Variants in FNBP1 observed in about 807,000 individuals in gnomAD.
The protein encoded by FNBP1 is formin binding protein 1.
Under a neutral mutation model 90.6 loss-of-function variants are expected in FNBP1, and 26 were observed. The observed-to-expected ratio is 0.29, with a 90% CI of 0.21 to 0.40. The LOEUF (loss-of-function observed/expected upper bound fraction) is 0.40. Among genes scored for constraint, FNBP1 ranks in the 10% least tolerant of loss-of-function variants. The probability of loss-of-function intolerance (pLI) is 1.00; values close to 1 mark genes in which losing one functional copy is unlikely to be tolerated. For synonymous variants in FNBP1, 260 were observed against 265.2 expected (o/e 0.98, Z 0.19); for missense variants, 635 against 768.0 (o/e 0.83, Z 2.05).
rs1327933299 is a variant in FNBP1, at chr9:129,890,692, A to G, written c.1847-146T>C. 3.0e-6 allele frequency: 2 copies of G among 676,468 alleles called. No individual in the cohort carries two copies. The highest frequency in any genetic ancestry group is 1.7e-5 in the South Asian group (1 of 58,450). 41.9% of individuals were successfully genotyped at this position (676,468 alleles called of 1,614,324 possible). A position where few individuals can be genotyped will look rare whatever the true frequency, so the allele number is the denominator to read the frequency against. ...GGGGAGGGATGGGAGGGGGCGTCTTAGAGCAATCGGTTACCACAGGGCGGG... is the reference window on the plus strand; with the variant it reads ...GGGGAGGGATGGGAGGGGGCGTCTTGGAGCAATCGGTTACCACAGGGCGGG... On this transcript the variant is annotated intron_variant, in intron 16 of 16. Transcript: ENST00000446176. The surrounding 1 kb of genome is among the most constrained non-coding windows in gnomAD (Gnocchi z 5.8).
At chr9:129,995,361 G>A (rs1274801522) in intron 1 of FNBP1, among the ~76,000 whole-genome samples, 5 of 152,104 alleles carry the variant, frequency 3.3e-5, no homozygotes, top group Admixed American at 6.6e-5. Flanking sequence ...AATCTGAGCC[G>A]AGGAACGGGG....
At chr9:129,907,135 A>C in intron 12 of FNBP1, among the ~76,000 whole-genome samples, 1 of 150,720 alleles carries the variant, frequency 6.6e-6, no homozygotes, top group Non-Finnish European at 1.5e-5. Context: ...GCCTTGTAAC[A>C]CCAGTTTCCT....
chr9:130,030,794 G>A (rs1221087884), intron 1 of FNBP1, among the ~76,000 whole-genome samples: 1 of 152,176 alleles, frequency 6.6e-6, no homozygotes, highest in Non-Finnish European at 1.5e-5. Flanking sequence ...TTATTCAACA[G>A]GCTTGGGAAT....
At chr9:129,989,609 C>T (rs965196538) in intron 2 of FNBP1, among the ~76,000 whole-genome samples, 2 of 152,088 alleles carry the variant, frequency 1.3e-5, no homozygotes, top group African/African-American at 2.4e-5. Flanking sequence ...GGAGACAATG[C>T]GCAGTAAATA....
chr9:129,993,224 CA>C (rs200526839), intron 2 of FNBP1, among the ~76,000 whole-genome samples: 5,453 of 129,970 alleles, frequency 0.042, 188 homozygotes, highest in African/African-American at 0.1. Context: ...GAGACTGTCT[CA>C]AAAAAAAAAA....
intron 1 of FNBP1, among the ~76,000 whole-genome samples, chr9:130,024,866 T>C (rs1447353421): frequency 6.6e-6 from 1 of 152,156 alleles, no homozygotes. Flanking sequence ...CAATAAACCT[T>C]AGCCAAAAGG....
At chr9:130,026,979 A>AG (rs1272205209) in intron 1 of FNBP1, among the ~76,000 whole-genome samples, 2 of 151,992 alleles carry the variant, frequency 1.3e-5, no homozygotes, top group East Asian at 1.9e-4. Flanking sequence ...AAAAAAAAAA[A>AG]AAAAGTTTTG....
intron 4 of FNBP1, among the ~76,000 whole-genome samples, chr9:129,969,951 C>T (rs539427672): frequency 2.0e-5 from 3 of 146,842 alleles, no homozygotes; most frequent in Non-Finnish European, 4.5e-5. Context: ...TGCAGTGGCG[C>T]GATCTCGGCT....
At chr9:129,906,180 G>A (rs537067429) in intron 12 of FNBP1, among the ~76,000 whole-genome samples, 99 of 152,190 alleles carry the variant, frequency 6.5e-4, no homozygotes, top group Middle Eastern at 3.4e-3. Flanking sequence ...ACCGCGCCTG[G>A]CCAATTTCTT....
chr9:129,930,691 C>T (rs182093046), intron 6 of FNBP1, among the ~76,000 whole-genome samples: 2 of 152,274 alleles, frequency 1.3e-5, no homozygotes, highest in Admixed American at 1.3e-4. Flanking sequence ...AAAGTTCAAA[C>T]AGGAATGTCT....
chr9:129,967,728 A>G (rs969500051), intron 4 of FNBP1, among the ~76,000 whole-genome samples: 1 of 152,230 alleles, frequency 6.6e-6, no homozygotes, highest in East Asian at 1.9e-4. Flanking sequence ...CACAATTCCC[A>G]GAAGAAAAGG....
intron 6 of FNBP1, among the ~76,000 whole-genome samples, chr9:129,936,999 G>A (rs1431399341): frequency 1.3e-5 from 2 of 151,952 alleles, no homozygotes; most frequent in Admixed American, 1.3e-4. Flanking sequence ...ATGAAACCCT[G>A]TCTCTAGTAA....
chr9:130,011,255 TATATATATATATAAA>T (rs1387531218), intron 1 of FNBP1, among the ~76,000 whole-genome samples: 1 of 67,608 alleles, frequency 1.5e-5, no homozygotes. Context: ...TATATATATA[TATATATATATATAAA>T]ATATATATAA....
chr9:129,893,332 G>A (rs939754528), intron 16 of FNBP1, among the ~76,000 whole-genome samples: 3 of 151,740 alleles, frequency 2.0e-5, no homozygotes, highest in South Asian at 2.1e-4. Context: ...GGCCTGGCAC[G>A]GTGGCTCACC....
intron 1 of FNBP1, among the ~76,000 whole-genome samples, chr9:130,036,418 T>C (rs75644252): frequency 0.022 from 3,295 of 152,346 alleles, 46 homozygotes; most frequent in Middle Eastern, 0.034. Context: ...AACTCTTTTA[T>C]GTGCTTAAAG....
chr9:129,915,776 A>G (rs2040162024), intron 11 of FNBP1, among the ~76,000 whole-genome samples, 190 bp downstream of exon 11: 1 of 152,232 alleles, frequency 6.6e-6, no homozygotes. Flanking sequence ...GAAAAGATTA[A>G]GATCACCTCT....
intron 1 of FNBP1, among the ~76,000 whole-genome samples, chr9:130,017,609 C>T (rs1477150915): frequency 1.3e-5 from 2 of 152,046 alleles, no homozygotes; most frequent in Non-Finnish European, 2.9e-5. Flanking sequence ...GCAGGAGGAT[C>T]ACTTGAGGTT....
At chr9:130,013,616 C>A in intron 1 of FNBP1, 2 of 436,624 alleles carry the variant, frequency 4.6e-6, no homozygotes, top group South Asian at 1.7e-5. Context: ...ATAACTCTTG[C>A]TCATGTGCAC....
chr9:129,996,266 C>A (rs1277591891), intron 1 of FNBP1, among the ~76,000 whole-genome samples: 1 of 152,078 alleles, frequency 6.6e-6, no homozygotes, highest in Non-Finnish European at 1.5e-5. Context: ...AGCCGAGGAT[C>A]AGAACACCAA....
Sources: allele counts gnomAD v4.1 joint callset (sites outside exome capture counted in the v4.1 genomes callset), GRCh38; gene constraint gnomAD v4.1.1; non-coding constraint Gnocchi (gnomAD v3.1); transcripts MANE v1.5; gene names NCBI Gene and HGNC (gene_info 2026-07-23, HGNC 2026-07-21).